Variants in PPP1R1C observed in about 807,000 individuals in gnomAD.
The protein encoded by PPP1R1C is protein phosphatase 1 regulatory inhibitor subunit 1C, also known as protein phosphatase 1 regulatory subunit 1C.
Under a neutral mutation model 17.4 loss-of-function variants are expected in PPP1R1C, and 15 were observed. The ratio of observed to expected loss-of-function variants is 0.86; its 90% CI spans 0.58 to 1.33. The LOEUF is 1.33. PPP1R1C is among the 40% of genes most tolerant of loss of function. The probability of loss-of-function intolerance (pLI) is 0.00; values close to 1 mark genes in which losing one functional copy is unlikely to be tolerated. For missense variants in PPP1R1C, 143 were observed against 130.0 expected, an observed-to-expected ratio of 1.10 and a Z score of -0.48; for synonymous variants, 35 against 43.1, an observed-to-expected ratio of 0.81 and a Z score of 0.73.
intron 5 of PPP1R1C, among the ~76,000 whole-genome samples, chr2:182,127,577 C>T (rs150646318): frequency 9.2e-5 from 14 of 152,116 alleles, no homozygotes; most frequent in African/African-American, 2.4e-4. Context: ...AGCATCTGGT[C>T]GGTCCAAGTA....
intron 4 of PPP1R1C, among the ~76,000 whole-genome samples, chr2:182,108,213 C>A (rs770042540): frequency 5.6e-5 from 8 of 143,770 alleles, no homozygotes; most frequent in Non-Finnish European, 1.2e-4. Flanking sequence ...TTCAAATATA[C>A]CTCAATAAAA....
At chr2:182,080,495 G>A (rs545196382) in intron 4 of PPP1R1C, among the ~76,000 whole-genome samples, 1 of 152,234 alleles carries the variant, frequency 6.6e-6, no homozygotes, top group East Asian at 1.9e-4. Context: ...TCCAGGTCAG[G>A]CTTTCTTTAA....
chr2:182,036,949 C>T (rs1423538025), intron 2 of PPP1R1C, among the ~76,000 whole-genome samples: 1 of 151,796 alleles, frequency 6.6e-6, no homozygotes, highest in East Asian at 1.9e-4. Flanking sequence ...AGAAATAACA[C>T]AAAGGTGAAA....
intron 4 of PPP1R1C, among the ~76,000 whole-genome samples, chr2:182,093,350 T>C (rs1343108312): frequency 6.6e-6 from 1 of 152,080 alleles, no homozygotes; most frequent in East Asian, 1.9e-4. Flanking sequence ...ACGAAACCAC[T>C]TTTTCCTCCA....
intron 2 of PPP1R1C, among the ~76,000 whole-genome samples, chr2:182,021,869 T>C (rs1444541189): frequency 6.6e-6 from 1 of 152,186 alleles, no homozygotes; most frequent in African/African-American, 2.4e-5. Context: ...ACGAACACTT[T>C]AGACATTAGA....
intron 4 of PPP1R1C, among the ~76,000 whole-genome samples, chr2:182,105,265 A>T (rs1401197819): frequency 1.3e-5 from 2 of 152,166 alleles, no homozygotes; most frequent in African/African-American, 4.8e-5. Context: ...TAGCATTCTG[A>T]GACAATTTAA....
chr2:182,111,297 G>GA, intron 4 of PPP1R1C, among the ~76,000 whole-genome samples: 1 of 152,196 alleles, frequency 6.6e-6, no homozygotes, highest in Middle Eastern at 3.4e-3. Flanking sequence ...ATGATGAAGA[G>GA]AAAATCATAT....
chr2:181,969,538 C>T (rs1277395057), intron 1 of PPP1R1C, among the ~76,000 whole-genome samples: 6 of 152,120 alleles, frequency 3.9e-5, no homozygotes, highest in Admixed American at 3.9e-4. Flanking sequence ...GGAATCCTTT[C>T]TTTATCCTAG....
downstream of PPP1R1C, among the ~76,000 whole-genome samples, chr2:182,119,711 G>A (rs1240408339): frequency 1.3e-5 from 2 of 152,192 alleles, no homozygotes; most frequent in African/African-American, 4.8e-5. Flanking sequence ...CTTCTTTTGA[G>A]AAGTGTCTGT....
intron 2 of PPP1R1C, among the ~76,000 whole-genome samples, chr2:182,039,830 A>AAG (rs1435898467): frequency 1.3e-5 from 2 of 152,202 alleles, no homozygotes; most frequent in African/African-American, 4.8e-5. Context: ...CTGAGTCTCC[A>AAG]AAGTCCATTA....
At chr2:182,025,282 T>C (rs1221425696) in intron 2 of PPP1R1C, among the ~76,000 whole-genome samples, 14 of 145,964 alleles carry the variant, frequency 9.6e-5, no homozygotes, top group Non-Finnish European at 1.8e-4. Flanking sequence ...TATGTATACA[T>C]GTGCCATGCT....
At chr2:182,110,652 G>T (rs1172444007) in intron 4 of PPP1R1C, among the ~76,000 whole-genome samples, 1 of 152,124 alleles carries the variant, frequency 6.6e-6, no homozygotes, top group Non-Finnish European at 1.5e-5. Flanking sequence ...CACAACATTT[G>T]CTTCTGTGGC....
rs912716602 is a variant in PPP1R1C, at chr2:182,042,865, A to G, written c.143-18577A>G. On this transcript the variant is annotated intron_variant, in intron 2 of 4. Transcript: ENST00000682840. ...AGCTGGAGGTATTAGCTTTAAGAGA[A>G]GAACAGAAAATGAGATATGTTCGGT... Among the ~76,000 whole-genome samples, 6 of 152,342 alleles carry G rather than the reference A, an allele frequency of 3.9e-5. No individual in the cohort carries two copies. In the South Asian group the frequency reaches 1.2e-3, roughly 32 times the overall value.
intron 2 of PPP1R1C, among the ~76,000 whole-genome samples, chr2:182,045,158 T>C (rs1277280679): frequency 6.6e-6 from 1 of 152,182 alleles, no homozygotes; most frequent in Non-Finnish European, 1.5e-5. Flanking sequence ...ACAAGAAAAC[T>C]GAGAAACTGC....
At chr2:182,061,174 C>T (rs1467669073) in intron 2 of PPP1R1C, among the ~76,000 whole-genome samples, 1 of 151,984 alleles carries the variant, frequency 6.6e-6, no homozygotes, top group Non-Finnish European at 1.5e-5. Flanking sequence ...GAGTCACTTC[C>T]CTGGTCCCCT....
downstream of PPP1R1C, chr2:182,130,989 G>T (rs1689994237): frequency 6.6e-6 from 1 of 152,150 alleles, no homozygotes; most frequent in Non-Finnish European, 1.5e-5. Flanking sequence ...AATTGGAACT[G>T]GTTAGTACCT....
At chr2:182,130,957 A>G (rs1364888137), downstream of PPP1R1C, 1 of 152,244 alleles carries the variant, frequency 6.6e-6, no homozygotes, top group Admixed American at 6.5e-5. Context: ...GTCAGAATAA[A>G]TGGAATATAT....
At chr2:182,108,026 C>T (rs556215433) in intron 4 of PPP1R1C, among the ~76,000 whole-genome samples, 1 of 152,144 alleles carries the variant, frequency 6.6e-6, no homozygotes, top group South Asian at 2.1e-4. Context: ...TAGTTTTCCT[C>T]CTCCCTATGG....
chr2:181,960,034 A>T (rs547309253), intron 1 of PPP1R1C, among the ~76,000 whole-genome samples: 28 of 152,328 alleles, frequency 1.8e-4, no homozygotes, highest in African/African-American at 6.5e-4. Context: ...TAACTAAAAG[A>T]GTCTTACAAA....
Sources: gnomAD v4.1 joint callset for allele counts (sites outside exome capture counted in the v4.1 genomes callset) on GRCh38, gnomAD v4.1.1 for gene constraint, MANE v1.5 for transcripts, NCBI Gene and HGNC (gene_info 2026-07-23, HGNC 2026-07-21) for gene names.